The following C4orf33 variants were observed in gnomAD, a reference collection of about 807,000 sequenced individuals.
C4orf33 encodes the protein chromosome 4 open reading frame 33.
Under a neutral mutation model 24.3 loss-of-function variants are expected in C4orf33, and 20 were observed. The ratio of observed to expected loss-of-function variants is 0.82; its 90% CI spans 0.58 to 1.19. The LOEUF (loss-of-function observed/expected upper bound fraction) is 1.19, where lower values mean the gene tolerates loss of function less well. C4orf33 is among the 50% of genes most tolerant of loss of function. C4orf33 has a pLI of 0.00. For missense variants in C4orf33, 207 were observed against 225.9 expected (o/e 0.92, Z 0.54); for synonymous variants, 67 against 76.4 (o/e 0.88, Z 0.64).
At chr4:129,109,804 G>A in intron 5 of C4orf33, 132 bp downstream of exon 5, 1 of 890,504 alleles carries the variant, frequency 1.1e-6, no homozygotes, top group East Asian at 2.7e-5. Flanking sequence ...AGAGTCCAAT[G>A]TTCACTGATG....
At chr4:129,103,616 A>G (rs1355257004) in intron 2 of C4orf33, among the ~76,000 whole-genome samples, 1 of 152,178 alleles carries the variant, frequency 6.6e-6, no homozygotes, top group African/African-American at 2.4e-5. Flanking sequence ...TATCCTAATT[A>G]AGCTATCAGA....
intron 3 of C4orf33, 148 bp from the exon 4 acceptor site, chr4:129,109,159 G>A: frequency 3.5e-6 from 3 of 848,418 alleles, no homozygotes; most frequent in Non-Finnish European, 3.9e-6. Flanking sequence ...AAAGTGCTGG[G>A]TTACAGGCGT....
rs1360967974 is a variant in C4orf33, at chr4:129,116,142, A to G, written c.*4351A>G. 1 of 152,002 alleles carries G rather than the reference A, an allele frequency of 6.6e-6. No homozygotes were observed. Among genetic ancestry groups the G allele is most frequent in the Non-Finnish European group, 1.5e-5 (1 of 67,984 alleles). The allele number at this position is 152,002 out of a possible 1,614,324, so 9.4% of individuals were successfully genotyped here. ...TATGAAAAGTGAGGGGTGTCTGTGCATATTTTATTTTATTTCATAATAAAT... is the reference window on the plus strand; with the variant it reads ...TATGAAAAGTGAGGGGTGTCTGTGCGTATTTTATTTTATTTCATAATAAAT... On this transcript the variant is annotated 3_prime_UTR_variant, in exon 6 of 6. Coordinates refer to ENST00000425929, the MANE Select transcript of C4orf33 (RefSeq NM_001099783.2).
At chr4:129,103,286 T>C (rs1753418918) in intron 2 of C4orf33, among the ~76,000 whole-genome samples, 1 of 152,146 alleles carries the variant, frequency 6.6e-6, no homozygotes, top group Admixed American at 6.5e-5. Flanking sequence ...CCCAAAGTGC[T>C]GGGATTACAG....
intron 1 of C4orf33, among the ~76,000 whole-genome samples, chr4:129,099,359 TA>T (rs1561086216): frequency 2.6e-5 from 4 of 152,194 alleles, no homozygotes; most frequent in Admixed American, 1.3e-4. Flanking sequence ...AAATGCTTGA[TA>T]AACTAAATTG....
At chr4:129,098,050 G>A (rs1259610161) in intron 1 of C4orf33, among the ~76,000 whole-genome samples, 1 of 152,140 alleles carries the variant, frequency 6.6e-6, no homozygotes, top group African/African-American at 2.4e-5. Flanking sequence ...TTTGTATCAA[G>A]TATGAATTGC....
At position 129,109,290 on chromosome 4, in the gene C4orf33, A is replaced by C. The variant is rs200069863; in HGVS notation, c.243-17A>C. 1.4e-5 allele frequency: 22 copies of C among 1,611,038 alleles called. No individual in the cohort carries two copies. The highest frequency in any genetic ancestry group is 1.9e-5 in the Non-Finnish European group (22 of 1,177,220). On this transcript the variant is annotated splice_polypyrimidine_tract_variant and intron_variant, in intron 3 of 5. Coordinates refer to ENST00000425929, the MANE Select transcript of C4orf33 (RefSeq NM_001099783.2). ...TCATGTTTTTCAAACACTCATGAGG[A>C]ATCTTAATTTTGACAGCCACGGACA...
At chr4:129,096,892 C>G (rs1335237937) in intron 1 of C4orf33, among the ~76,000 whole-genome samples, 1 of 151,918 alleles carries the variant, frequency 6.6e-6, no homozygotes, top group Non-Finnish European at 1.5e-5. Context: ...TTAAGAGAAC[C>G]GGCCTTAAAT....
At position 129,109,656 on chromosome 4, in the gene C4orf33, G is replaced by A. The variant is rs763791839; in HGVS notation, c.478G>A (p.Gly160Arg). Residue 160 changes from glycine (G) to arginine (R), a missense_variant, in exon 5 of 6, where the codon GGA (glycine) becomes AGA (arginine). Transcript: ENST00000425929. ...YPVPQHELQQ[G>R]QKPDFHCLEY... Reference sequence around the variant, plus strand: ...TGTACCTCAGCATGAACTGCAGCAAGGACAAAAACCTGATTTGTAAGTAGA... The same window carrying A: ...TGTACCTCAGCATGAACTGCAGCAAAGACAAAAACCTGATTTGTAAGTAGA... 2.5e-6 allele frequency: 4 copies of A among 1,612,968 alleles called. No homozygotes were observed. In the South Asian group the frequency reaches 4.4e-5, roughly 18 times the overall value.
intron 2 of C4orf33, among the ~76,000 whole-genome samples, chr4:129,104,397 A>G (rs1439747159): frequency 2.0e-5 from 3 of 152,172 alleles, no homozygotes; most frequent in African/African-American, 7.2e-5. Flanking sequence ...TAAAATGAAA[A>G]TTTAAACTCA....
In C4orf33 at chr4:129,115,793, T is replaced by A. The variant is rs1460867918; in HGVS notation, c.*4002T>A. On this transcript the variant is annotated 3_prime_UTR_variant, in exon 6 of 6. Transcript: ENST00000425929. ...AGAGGAATATGTGCCTAACAAATCT[T>A]CTAACTAAATATATATATATATATA... The A allele has an allele frequency of 3.0e-5, 3 of 98,530 alleles. No individual in the cohort carries two copies. The highest frequency in any genetic ancestry group is 4.2e-5 in the Non-Finnish European group (2 of 47,202). 6.1% of individuals were successfully genotyped at this position (98,530 alleles called of 1,614,324 possible).
intron 2 of C4orf33, 173 bp downstream of exon 2, chr4:129,102,964 T>C (rs1184858384): frequency 2.0e-6 from 1 of 493,762 alleles, no homozygotes; most frequent in African/African-American, 2.0e-5. Context: ...ATTACCTGTG[T>C]GACTTTAACT....
intron 1 of C4orf33, among the ~76,000 whole-genome samples, chr4:129,097,905 G>C (rs564846338): frequency 6.6e-6 from 1 of 152,270 alleles, no homozygotes; most frequent in South Asian, 2.1e-4. Context: ...TTGCATTTCT[G>C]TCATTATAAG....
chr4:129,111,861 A>T lies in C4orf33; in HGVS notation c.*70A>T, dbSNP rs112368128. The T allele has an allele frequency of 5.5e-5, 44 of 793,186 alleles. No individual in the cohort carries two copies. The South Asian group carries it at 8.3e-4, about 15-fold the overall frequency. 49.1% of individuals were successfully genotyped at this position (793,186 alleles called of 1,614,324 possible). A position where few individuals can be genotyped will look rare whatever the true frequency, so the allele number is the denominator to read the frequency against. On this transcript the variant is annotated 3_prime_UTR_variant, in exon 6 of 6. Coordinates refer to ENST00000425929, the MANE Select transcript of C4orf33 (RefSeq NM_001099783.2). ...TAAGATAAACAAAAAATAAATATCA[A>T]TTTTTTAAGATGTCATGCATACATT...
At chr4:129,109,918 C>T (rs1580017790) in intron 5 of C4orf33, 5 of 1,154,280 alleles carry the variant, frequency 4.3e-6, no homozygotes, top group East Asian at 7.2e-5. Context: ...GTGTTGTTTG[C>T]ATGTGAGAAA....
intron 3 of C4orf33, among the ~76,000 whole-genome samples, chr4:129,107,263 T>G (rs1483770044): frequency 6.6e-6 from 1 of 152,022 alleles, no homozygotes. Context: ...TGGACTCTCT[T>G]TGTTCAGGTT....
intron 2 of C4orf33, among the ~76,000 whole-genome samples, chr4:129,103,213 G>A (rs1172904315): frequency 2.0e-5 from 3 of 151,726 alleles, no homozygotes; most frequent in Admixed American, 6.6e-5. Context: ...TAGAGACAGG[G>A]TTTCACTGTG....
At chr4:129,109,846 T>C in intron 5 of C4orf33, 174 bp downstream of exon 5, 2 of 943,368 alleles carry the variant, frequency 2.1e-6, no homozygotes, top group Non-Finnish European at 3.0e-6. Context: ...AACTTTGGAC[T>C]GTCATAATCT....
chr4:129,105,006 T>C (rs1753473547), intron 2 of C4orf33, among the ~76,000 whole-genome samples: 2 of 151,998 alleles, frequency 1.3e-5, no homozygotes, highest in African/African-American at 4.8e-5. Flanking sequence ...CACATGTATG[T>C]ATAGTGAGAG....
Sources: gnomAD v4.1 joint callset for allele counts (sites outside exome capture counted in the v4.1 genomes callset) on GRCh38, gnomAD v4.1.1 for gene constraint, MANE v1.5 for transcripts, NCBI Gene and HGNC (gene_info 2026-07-23, HGNC 2026-07-21) for gene names.